The following KIAA1328 variants were observed in gnomAD, a reference collection of about 807,000 sequenced individuals.
The protein encoded by KIAA1328 is KIAA1328, also known as protein hinderin.
KIAA1328 carries 52 observed loss-of-function variants against 68.1 expected under a neutral mutation model. The ratio of observed to expected loss-of-function variants is 0.76; its 90% confidence interval spans 0.61 to 0.96. The LOEUF (loss-of-function observed/expected upper bound fraction) is 0.96, where lower values mean the gene tolerates loss of function less well. Ranked by LOEUF, KIAA1328 falls within the 40% of genes least tolerant of loss-of-function variation. The pLI is 0.00. For synonymous variants in KIAA1328, 232 were observed against 239.4 expected (o/e 0.97, Z 0.28); for missense variants, 641 against 677.6 (o/e 0.95, Z 0.60).
chr18:36,839,284 T>G (rs2046781919), intron 3 of KIAA1328, among the ~76,000 whole-genome samples: 1 of 152,220 alleles, frequency 6.6e-6, no homozygotes, highest in Non-Finnish European at 1.5e-5. Flanking sequence ...TTGGATAGTT[T>G]GTATTGCTGT....
At chr18:36,886,975 C>T (rs2048522757) in intron 5 of KIAA1328, among the ~76,000 whole-genome samples, 1 of 152,150 alleles carries the variant, frequency 6.6e-6, no homozygotes, top group Admixed American at 6.5e-5. Context: ...GAAATTAATA[C>T]AATCAGAATT....
chr18:36,863,293 C>T (rs906370771), intron 4 of KIAA1328, among the ~76,000 whole-genome samples: 13 of 151,668 alleles, frequency 8.6e-5, no homozygotes, highest in African/African-American at 3.1e-4. Context: ...TATTCTAGCA[C>T]CATTTGTTGA....
At chr18:37,186,449 C>T (rs1022463128) in intron 9 of KIAA1328, among the ~76,000 whole-genome samples, 9 of 151,118 alleles carry the variant, frequency 6.0e-5, no homozygotes, top group African/African-American at 2.2e-4. Context: ...CGCCTGTAGC[C>T]CCAGCTACTC....
chr18:37,036,954 C>T (rs1013221216), intron 6 of KIAA1328, among the ~76,000 whole-genome samples: 2 of 152,148 alleles, frequency 1.3e-5, no homozygotes, highest in South Asian at 2.1e-4. Flanking sequence ...CAATGATATA[C>T]AGACCCTAAG....
intron 6 of KIAA1328, among the ~76,000 whole-genome samples, chr18:37,004,489 A>G (rs1323828473): frequency 6.6e-6 from 1 of 152,146 alleles, no homozygotes; most frequent in African/African-American, 2.4e-5. Context: ...ACAAATGGCT[A>G]ATAAACATAT....
intron 5 of KIAA1328, among the ~76,000 whole-genome samples, chr18:36,910,120 G>T (rs990799654): frequency 8.5e-5 from 13 of 152,126 alleles, no homozygotes; most frequent in African/African-American, 3.1e-4. Flanking sequence ...AAGCTCCTTA[G>T]TTTAATTAGA....
At chr18:36,870,580 CTTT>C (rs1281996182) in intron 4 of KIAA1328, among the ~76,000 whole-genome samples, 2 of 152,090 alleles carry the variant, frequency 1.3e-5, no homozygotes, top group African/African-American at 4.8e-5. Context: ...GGATTTATTT[CTTT>C]TTAACTTTTT....
chr18:37,156,401 A>T (rs2059152667), intron 7 of KIAA1328, among the ~76,000 whole-genome samples: 1 of 134,762 alleles, frequency 7.4e-6, no homozygotes, highest in African/African-American at 2.8e-5. Context: ...ACTCCAGCCT[A>T]GGTGACAAGA....
intron 4 of KIAA1328, among the ~76,000 whole-genome samples, chr18:36,873,087 A>G (rs901765017): frequency 6.6e-5 from 10 of 152,148 alleles, no homozygotes; most frequent in African/African-American, 2.4e-4. Context: ...CTCAGAAGAC[A>G]TTTCTTAATT....
chr18:36,942,956 T>A (rs2050767039), intron 5 of KIAA1328, among the ~76,000 whole-genome samples: 1 of 152,188 alleles, frequency 6.6e-6, no homozygotes, highest in South Asian at 2.1e-4. Flanking sequence ...GCCCTAGAAA[T>A]GATGCCAAAG....
chr18:37,216,983 T>G (rs1286818171), intron 9 of KIAA1328, among the ~76,000 whole-genome samples: 27 of 133,140 alleles, frequency 2.0e-4, no homozygotes, highest in African/African-American at 7.7e-4. Flanking sequence ...TTTTTTGTTT[T>G]TTTTTTGTTT....
chr18:37,004,619 A>T (rs2053710569), intron 6 of KIAA1328, among the ~76,000 whole-genome samples: 1 of 152,092 alleles, frequency 6.6e-6, no homozygotes, highest in Non-Finnish European at 1.5e-5. Flanking sequence ...GTGTGGATGC[A>T]GTGAAAAGAA....
chr18:37,071,325 AT>A (rs2056526537), intron 7 of KIAA1328, among the ~76,000 whole-genome samples: 2 of 151,212 alleles, frequency 1.3e-5, no homozygotes, highest in Non-Finnish European at 2.9e-5. Flanking sequence ...TGCCTACCTT[AT>A]CCTTCCAAAG....
chr18:36,998,883 A>G (rs1183404364), intron 6 of KIAA1328, among the ~76,000 whole-genome samples: 1 of 152,248 alleles, frequency 6.6e-6, no homozygotes, highest in African/African-American at 2.4e-5. Context: ...GCAAGGAAAT[A>G]TGATACCTTC....
chr18:36,885,007 C>A (rs769985792), intron 4 of KIAA1328, among the ~76,000 whole-genome samples: 1 of 151,864 alleles, frequency 6.6e-6, no homozygotes, highest in Non-Finnish European at 1.5e-5. Context: ...GTACTGCAAA[C>A]CTTCCTTTAT....
intron 6 of KIAA1328, among the ~76,000 whole-genome samples, chr18:37,038,216 C>T (rs1451336003): frequency 6.6e-6 from 1 of 152,142 alleles, no homozygotes; most frequent in Non-Finnish European, 1.5e-5. Context: ...AAGCTTTTAG[C>T]TTGCTTATCT....
At chr18:37,069,328 T>G (rs2056451643) in intron 7 of KIAA1328, among the ~76,000 whole-genome samples, 1 of 151,680 alleles carries the variant, frequency 6.6e-6, no homozygotes, top group Non-Finnish European at 1.5e-5. Context: ...GGCATGATCT[T>G]AGCCCACTAC....
intron 9 of KIAA1328, among the ~76,000 whole-genome samples, chr18:37,180,058 CCACACACACACACACACACACACACACA>C (rs139301794): frequency 3.0e-5 from 4 of 134,062 alleles, no homozygotes; most frequent in African/African-American, 8.1e-5. Context: ...GATTCAAAAG[CCACACACACACACACACACACACACACA>C]CACACACACA....
chr18:37,095,993 A>G (rs1468592232), intron 7 of KIAA1328, among the ~76,000 whole-genome samples: 1 of 152,232 alleles, frequency 6.6e-6, no homozygotes, highest in African/African-American at 2.4e-5. Flanking sequence ...AACCAGTAAT[A>G]AAAAGCCTCC....
Sources: allele counts gnomAD v4.1 joint callset (sites outside exome capture counted in the v4.1 genomes callset), GRCh38; gene constraint gnomAD v4.1.1; transcripts MANE v1.5; gene names NCBI Gene and HGNC (gene_info 2026-07-23, HGNC 2026-07-21).